Variants in TBC1D22A observed in about 807,000 individuals in gnomAD.
TBC1D22A encodes the protein putative GTPase activator.
Under a neutral mutation model 60.2 loss-of-function variants are expected in TBC1D22A, and 38 were observed. The ratio of observed to expected loss-of-function variants is 0.63; its 90% CI spans 0.49 to 0.83. The LOEUF (loss-of-function observed/expected upper bound fraction) is 0.83, where lower values mean the gene tolerates loss of function less well. TBC1D22A is among the 40% of genes least tolerant of loss of function. The pLI, the probability that TBC1D22A is intolerant of heterozygous loss-of-function variation, is 0.00. For synonymous variants in TBC1D22A, 302 were observed against 281.7 expected, an observed-to-expected ratio of 1.07 and a Z score of -0.72; for missense variants, 628 against 701.0, an observed-to-expected ratio of 0.90 and a Z score of 1.18.
intron 4 of TBC1D22A, among the ~76,000 whole-genome samples, chr22:46,864,038 A>G (rs2066935950): frequency 6.6e-6 from 1 of 152,218 alleles, no homozygotes; most frequent in Admixed American, 6.5e-5. Flanking sequence ...AGCACAGCAC[A>G]TCGCCTAGTG....
chr22:46,797,370 A>C (rs1271042316), intron 3 of TBC1D22A, 74 bp from the exon 4 acceptor site: 1 of 1,547,872 alleles, frequency 6.5e-7, no homozygotes, highest in Non-Finnish European at 8.8e-7. Context: ...ACAAAGGGAC[A>C]GTGGCACAGC....
chr22:47,062,592 T>G (rs1278567368), intron 11 of TBC1D22A, among the ~76,000 whole-genome samples: 1 of 152,180 alleles, frequency 6.6e-6, no homozygotes, highest in Admixed American at 6.5e-5. Context: ...TAGTGACTTC[T>G]ATTCCTGTCA....
At chr22:47,131,526 T>C (rs762028265) in intron 12 of TBC1D22A, among the ~76,000 whole-genome samples, 3 of 152,182 alleles carry the variant, frequency 2.0e-5, no homozygotes, top group Non-Finnish European at 2.9e-5. Flanking sequence ...GTGGGCTCCA[T>C]GTGATCTGTG....
intron 4 of TBC1D22A, among the ~76,000 whole-genome samples, chr22:46,806,415 A>G (rs920442781): frequency 1.3e-5 from 2 of 149,666 alleles, no homozygotes; most frequent in Admixed American, 6.7e-5. Flanking sequence ...ACTCAAGTGC[A>G]TAGTACTGAA....
At chr22:47,042,591 A>G (rs1021694229) in intron 11 of TBC1D22A, among the ~76,000 whole-genome samples, 1 of 152,178 alleles carries the variant, frequency 6.6e-6, no homozygotes, top group Non-Finnish European at 1.5e-5. Context: ...TCTGAGATAC[A>G]GCCCCACATT....
At chr22:47,163,942 A>G (rs6007616) in intron 12 of TBC1D22A, among the ~76,000 whole-genome samples, 28,739 of 152,256 alleles carry the variant, frequency 0.19, 3,375 homozygotes, top group African/African-American at 0.34. Context: ...TGAGCAGCCC[A>G]TGGCCACCTT....
At chr22:47,145,905 G>T (rs1430448387) in intron 12 of TBC1D22A, among the ~76,000 whole-genome samples, 1 of 152,234 alleles carries the variant, frequency 6.6e-6, no homozygotes, top group African/African-American at 2.4e-5. Context: ...GGGACGCACT[G>T]GATTGCTGGC....
At chr22:46,983,915 A>G (rs943323697) in intron 9 of TBC1D22A, among the ~76,000 whole-genome samples, 6 of 152,034 alleles carry the variant, frequency 3.9e-5, no homozygotes, top group African/African-American at 1.4e-4. Flanking sequence ...CTGAGGGAAC[A>G]CTTCTTTAAG....
chr22:46,950,077 G>T (rs540285615), intron 8 of TBC1D22A, among the ~76,000 whole-genome samples: 21 of 152,352 alleles, frequency 1.4e-4, no homozygotes, highest in African/African-American at 4.6e-4. Context: ...GGAGAAGCTG[G>T]GTGGACTCCA....
Position 47,127,394 on chromosome 22 carries a change from A to T in TBC1D22A, c.1425+15791A>T, listed in dbSNP as rs80132287. On this transcript the variant is annotated intron_variant, in intron 12 of 12. Transcript: ENST00000337137. ...AGGTGTGTGCTACCACGCCCAGCTG[A>T]TTTTTTTTTTTTTTTTTTGTATTTT... is the stretch of plus-strand genomic sequence containing the variant. Among the ~76,000 whole-genome samples the T allele has an allele frequency of 9.8e-5, 12 of 122,484 alleles. 1 individual carries two copies. The South Asian group carries it at 1.7e-3, about 18-fold the overall frequency. The allele number at this position is 122,484 out of a possible 152,430, so 80.4% of individuals were successfully genotyped here.
intron 8 of TBC1D22A, among the ~76,000 whole-genome samples, chr22:46,956,576 A>T (rs562839749): frequency 6.6e-6 from 1 of 152,200 alleles, no homozygotes; most frequent in Admixed American, 6.5e-5. Context: ...TCAGGGGTCA[A>T]CCTGGTCAGC....
At chr22:47,018,654 C>T (rs1041104152) in intron 10 of TBC1D22A, among the ~76,000 whole-genome samples, 3 of 152,146 alleles carry the variant, frequency 2.0e-5, no homozygotes, top group African/African-American at 7.2e-5. Flanking sequence ...GAACATCAGG[C>T]TTAGGCTCTA....
intron 11 of TBC1D22A, among the ~76,000 whole-genome samples, chr22:47,051,764 T>G (rs956830494): frequency 1.4e-4 from 21 of 152,220 alleles, no homozygotes; most frequent in Non-Finnish European, 2.4e-4. Context: ...CCTCCTCCTT[T>G]CCTTCCTCTC....
intron 10 of TBC1D22A, among the ~76,000 whole-genome samples, chr22:47,027,026 C>T (rs11912133): frequency 0.015 from 2,329 of 152,134 alleles, 53 homozygotes; most frequent in African/African-American, 0.053. Context: ...TATAAAGCTT[C>T]AGTAATCAAG....
intron 8 of TBC1D22A, among the ~76,000 whole-genome samples, chr22:46,922,122 C>T (rs1467749702): frequency 6.6e-6 from 1 of 152,214 alleles, no homozygotes; most frequent in Non-Finnish European, 1.5e-5. Context: ...GTTATCCCAG[C>T]ACCATTTATT....
chr22:46,766,649 C>T (rs1207389236), intron 1 of TBC1D22A, among the ~76,000 whole-genome samples: 1 of 152,190 alleles, frequency 6.6e-6, no homozygotes, highest in Non-Finnish European at 1.5e-5. Flanking sequence ...GATCTTCCTG[C>T]CTCTGCTGCC....
chr22:47,035,798 C>T (rs777880015), intron 10 of TBC1D22A, among the ~76,000 whole-genome samples: 14 of 152,152 alleles, frequency 9.2e-5, no homozygotes, highest in Non-Finnish European at 1.6e-4. Context: ...GCTCCCGGTC[C>T]CACGGCCCTG....
intron 8 of TBC1D22A, among the ~76,000 whole-genome samples, chr22:46,944,321 G>A (rs1047870851): frequency 1.1e-4 from 16 of 151,928 alleles, no homozygotes; most frequent in Admixed American, 7.9e-4. Flanking sequence ...TTTCTTCATC[G>A]GCAATTACAT....
At chr22:46,915,800 C>T (rs760178102) in intron 8 of TBC1D22A, 10 of 456,550 alleles carry the variant, frequency 2.2e-5, no homozygotes, top group Non-Finnish European at 3.5e-5. Context: ...CATATGCTCC[C>T]ACTGGTTTCA....
Sources: gnomAD v4.1 joint callset for allele counts (sites outside exome capture counted in the v4.1 genomes callset) on GRCh38, gnomAD v4.1.1 for gene constraint, MANE v1.5 for transcripts, NCBI Gene and HGNC (gene_info 2026-07-23, HGNC 2026-07-21) for gene names.